Variants in PLXNA2 observed in about 807,000 individuals in gnomAD.
PLXNA2 encodes the protein plexin A2.
A neutral mutation model predicts 193.5 loss-of-function variants in PLXNA2; 91 were observed. The observed-to-expected ratio is 0.47, with a 90% CI of 0.40 to 0.56. PLXNA2 has a LOEUF of 0.56. Ranked by LOEUF, PLXNA2 falls within the 20% of genes least tolerant of loss-of-function variation. The pLI is 0.00. For synonymous variants in PLXNA2, 997 were observed against 1,027.3 expected, an observed-to-expected ratio of 0.97 and a Z score of 0.56; for missense variants, 1,995 against 2,503.2, an observed-to-expected ratio of 0.80 and a Z score of 4.33.
chr1:208,219,550 G>A (rs1671254054), intron 1 of PLXNA2, among the ~76,000 whole-genome samples: 1 of 152,242 alleles, frequency 6.6e-6, no homozygotes, highest in African/African-American at 2.4e-5. Flanking sequence ...TTTGCTCCAA[G>A]GCAGCTTAGG....
intron 3 of PLXNA2, among the ~76,000 whole-genome samples, chr1:208,144,972 C>T (rs1462372530): frequency 6.6e-6 from 1 of 152,152 alleles, no homozygotes; most frequent in Non-Finnish European, 1.5e-5. Flanking sequence ...GAATAAGAGT[C>T]TCTGTGTGGG....
chr1:208,168,723 G>GTTTTTTTTTTTTT (rs751893998), intron 3 of PLXNA2, among the ~76,000 whole-genome samples: 1,337 of 102,136 alleles, frequency 0.013, 322 homozygotes, highest in Non-Finnish European at 0.019. Flanking sequence ...GAGTATGCGG[G>GTTTTTTTTTTTTT]GTTTTTTTTT....
intron 3 of PLXNA2, among the ~76,000 whole-genome samples, chr1:208,152,721 C>T (rs1668808241): frequency 7.3e-6 from 1 of 136,708 alleles, no homozygotes; most frequent in Non-Finnish European, 1.6e-5. Context: ...ACACACACCA[C>T]CTTCAATTGT....
intron 8 of PLXNA2, among the ~76,000 whole-genome samples, chr1:208,093,114 G>C (rs1366458339): frequency 1.3e-5 from 2 of 152,216 alleles, no homozygotes; most frequent in African/African-American, 4.8e-5. Flanking sequence ...GACCAGATAA[G>C]AGTATAACTG....
intron 4 of PLXNA2, among the ~76,000 whole-genome samples, chr1:208,139,585 G>A (rs1668405948): frequency 6.6e-6 from 1 of 152,196 alleles, no homozygotes; most frequent in African/African-American, 2.4e-5. Flanking sequence ...GTGAAATGAA[G>A]TCCAAATCAT....
chr1:208,153,885 G>A (rs1269325356), intron 3 of PLXNA2, among the ~76,000 whole-genome samples: 1 of 152,204 alleles, frequency 6.6e-6, no homozygotes, highest in Non-Finnish European at 1.5e-5. Context: ...AAAAGATTCT[G>A]TTTGAATAGC....
intron 3 of PLXNA2, among the ~76,000 whole-genome samples, chr1:208,164,013 T>C (rs1399266029): frequency 6.6e-6 from 1 of 152,234 alleles, no homozygotes; most frequent in Non-Finnish European, 1.5e-5. Flanking sequence ...GGTGTATTCA[T>C]GTGTTCACCT....
chr1:208,188,825 G>T (rs7411544), intron 3 of PLXNA2, among the ~76,000 whole-genome samples: 43,496 of 152,106 alleles, frequency 0.29, 8,067 homozygotes, highest in Middle Eastern at 0.43. Context: ...AATGTGTAAA[G>T]TTGGATCTTC....
At chr1:208,027,373 G>A in intron 31 of PLXNA2, 35 bp from the exon 32 acceptor site, 2 of 1,575,356 alleles carry the variant, frequency 1.3e-6, no homozygotes, top group Non-Finnish European at 1.7e-6. Context: ...AAGACTTCAG[G>A]ACTCAGAATA....
chr1:208,156,117 G>A (rs925753499), intron 3 of PLXNA2, among the ~76,000 whole-genome samples: 3 of 152,158 alleles, frequency 2.0e-5, no homozygotes, highest in African/African-American at 7.2e-5. Flanking sequence ...AGAAAGGAGG[G>A]TTATGGATTT....
chr1:208,129,012 C>T (rs1668062945), intron 4 of PLXNA2, among the ~76,000 whole-genome samples: 2 of 152,266 alleles, frequency 1.3e-5, no homozygotes, highest in Non-Finnish European at 2.9e-5. Flanking sequence ...TTCTTGAGTA[C>T]CTACTAAGTA....
Position 208,025,292 on chromosome 1 carries a change from C to A in PLXNA2, c.*1951G>T, listed in dbSNP as rs1238232744. The stretch of plus-strand genomic sequence containing the variant: ...AGCCAGACCTCTGCGCTCCCCTCCC[C>A]CAGCCCTCTCCTGGGAATCACATGT... On this transcript the variant is annotated 3_prime_UTR_variant, in exon 32 of 32. Coordinates refer to ENST00000367033, the MANE Select transcript of PLXNA2 (RefSeq NM_025179.4). 3.9e-5 allele frequency: 6 copies of A among 152,468 alleles called. No homozygotes were observed. Among genetic ancestry groups the A allele is most frequent in the African/African-American group, 1.4e-4 (6 of 41,456 alleles). 9.4% of individuals were successfully genotyped at this position (152,468 alleles called of 1,614,324 possible). A position where few individuals can be genotyped will look rare whatever the true frequency, so the allele number is the denominator to read the frequency against.
chr1:208,173,432 T>C lies in PLXNA2; in HGVS notation c.1372-30969A>G, dbSNP rs12405388. 0.015 allele frequency among the ~76,000 whole-genome samples: 2,354 copies of C among 152,332 alleles called. 106 individuals carry two copies. In the East Asian group the frequency reaches 0.18, roughly 12 times the overall value. ...ATGAATATATTATCTTATTTAATCC[T>C]TGCAACAAGCCCTGTGCATCCCATG... On this transcript the variant is annotated intron_variant, in intron 3 of 31. Transcript: ENST00000367033.
intron 9 of PLXNA2, among the ~76,000 whole-genome samples, chr1:208,087,805 C>A (rs1044414921): frequency 6.6e-6 from 1 of 152,058 alleles, no homozygotes; most frequent in African/African-American, 2.4e-5. Context: ...GGACCCCAAA[C>A]AATTGCCAAG....
In PLXNA2 at chr1:208,031,673, C is replaced by A; in HGVS notation, c.5142G>T (p.Lys1714Asn). The change falls in exon 29 of 32, where the codon AAG (lysine) becomes AAT (asparagine). Residue 1714 changes from lysine (K) to asparagine (N), a missense_variant. Lys to Asn is a moderately conservative substitution (Grantham distance 94). Around this residue, in one of 3 missense-constraint regions of PLXNA2, gnomAD observed 1,291 missense variants for 1,673.6 expected, o/e 0.77. Coordinates refer to ENST00000367033, the MANE Select transcript of PLXNA2 (RefSeq NM_025179.4). ...GCTCATCTAGGAAATCAAACATGTA[C>A]TTGATGGCCAGGGGGAGAGCGCTGC... The part of the protein sequence containing the change: ...HRGSALPLAI[K>N]YMFDFLDEQA... 6.2e-7 allele frequency: 1 copy of A among 1,613,716 alleles called. No individual in the cohort carries two copies. The highest frequency in any genetic ancestry group is 8.5e-7 in the Non-Finnish European group (1 of 1,179,948).
At chr1:208,147,353 C>T (rs1357398854) in intron 3 of PLXNA2, among the ~76,000 whole-genome samples, 1 of 152,190 alleles carries the variant, frequency 6.6e-6, no homozygotes, top group Non-Finnish European at 1.5e-5. Context: ...TTTAGTCTAG[C>T]TCTAGTAAGA....
Position 208,218,016 on chromosome 1 carries a change from G to A in PLXNA2, c.-80-14C>T. 1 of 1,545,860 alleles carries A rather than the reference G, an allele frequency of 6.5e-7. No individual in the cohort carries two copies. ...CCTCACATGATTCTGCAAAACACAAGGCAGAGTGGTCAGACCAAAAATAAT... is the reference window on the plus strand; with the variant it reads ...CCTCACATGATTCTGCAAAACACAAAGCAGAGTGGTCAGACCAAAAATAAT... On this transcript the variant is annotated splice_polypyrimidine_tract_variant and intron_variant, in intron 1 of 31. Transcript: ENST00000367033.
At chr1:208,048,220 G>A (rs907545767) in intron 17 of PLXNA2, among the ~76,000 whole-genome samples, 2 of 152,186 alleles carry the variant, frequency 1.3e-5, no homozygotes, top group African/African-American at 4.8e-5. Context: ...ACATTCCTCT[G>A]GGTTTGGCGG....
intron 3 of PLXNA2, among the ~76,000 whole-genome samples, chr1:208,191,395 T>C (rs1259978881): frequency 6.6e-6 from 1 of 152,108 alleles, no homozygotes; most frequent in Non-Finnish European, 1.5e-5. Context: ...TTACTATAGA[T>C]AGAGAGATAA....
Sources: gnomAD v4.1 joint callset for allele counts (sites outside exome capture counted in the v4.1 genomes callset) on GRCh38, gnomAD v4.1.1 for gene constraint, gnomAD v4.1.1 regional missense constraint, MANE v1.5 for transcripts, NCBI Gene and HGNC (gene_info 2026-07-23, HGNC 2026-07-21) for gene names.